LUZP2: variants seen among roughly 807,000 people sequenced by gnomAD.
LUZP2 encodes leucine zipper protein 2.
A neutral mutation model predicts 51.6 loss-of-function variants in LUZP2; 52 were observed. The ratio of observed to expected loss-of-function variants is 1.01; its 90% CI spans 0.81 to 1.27. The LOEUF is 1.27. Ranked by LOEUF, LUZP2 falls within the 50% of genes most tolerant of loss-of-function variation. LUZP2 has a pLI of 0.00. For synonymous variants in LUZP2, 154 were observed against 137.3 expected, an observed-to-expected ratio of 1.12 and a Z score of -0.85; for missense variants, 436 against 395.4, an observed-to-expected ratio of 1.10 and a Z score of -0.87.
chr11:24,538,373 A>T (rs1851247542), intron 1 of LUZP2, among the ~76,000 whole-genome samples: 1 of 151,772 alleles, frequency 6.6e-6, no homozygotes, highest in African/African-American at 2.4e-5. Context: ...AAAACATGGA[A>T]ATAAATCTTC....
intron 9 of LUZP2, among the ~76,000 whole-genome samples, chr11:24,993,973 G>C (rs951740159): frequency 2.0e-5 from 3 of 152,108 alleles, no homozygotes; most frequent in Non-Finnish European, 4.4e-5. Context: ...TGATTCTCCT[G>C]CCTCAGCCTC....
At chr11:24,735,804 A>G (rs896936978) in intron 3 of LUZP2, among the ~76,000 whole-genome samples, 9 of 151,998 alleles carry the variant, frequency 5.9e-5, no homozygotes, top group African/African-American at 2.2e-4. Flanking sequence ...GTTTCAGTTT[A>G]GTACCAAACA....
At chr11:25,036,981 G>A (rs552003565) in intron 9 of LUZP2, among the ~76,000 whole-genome samples, 56 of 151,044 alleles carry the variant, frequency 3.7e-4, no homozygotes, top group African/African-American at 1.3e-3. Context: ...AATTAGACAA[G>A]CGTCAAGTTT....
intron 1 of LUZP2, among the ~76,000 whole-genome samples, chr11:24,621,929 C>T (rs1854508906): frequency 6.6e-6 from 1 of 150,974 alleles, no homozygotes; most frequent in South Asian, 2.1e-4. Flanking sequence ...TTCTTGTGAA[C>T]ACTGCAAAAC....
At chr11:24,958,197 G>C (rs1229218746) in intron 7 of LUZP2, among the ~76,000 whole-genome samples, 3 of 152,124 alleles carry the variant, frequency 2.0e-5, no homozygotes, top group Non-Finnish European at 4.4e-5. Context: ...ATTGTGAATA[G>C]TGCCACAATA....
rs369679337 is a variant in LUZP2 at position 24,894,260 on chromosome 11, C to T, written c.397-11731C>T. Among the ~76,000 whole-genome samples the T allele has an allele frequency of 4.1e-4, 62 of 151,200 alleles. No individual in the cohort carries two copies. In the East Asian group the frequency reaches 0.01, roughly 25 times the overall value. On this transcript the variant is annotated intron_variant, in intron 5 of 11. Coordinates refer to ENST00000336930, the MANE Select transcript of LUZP2 (RefSeq NM_001009909.4). The stretch of plus-strand genomic sequence containing the variant: ...CATGGTCTTGACTCACTACAACCTC[C>T]GCCTCCCGGGTTCAAGCAATTCTCC...
chr11:24,995,210 C>T (rs928575004), intron 9 of LUZP2, among the ~76,000 whole-genome samples: 5 of 151,978 alleles, frequency 3.3e-5, no homozygotes, highest in Non-Finnish European at 5.9e-5. Flanking sequence ...CTGGGCAACA[C>T]GGCTCAATCC....
chr11:25,014,805 T>G (rs1474210520), intron 9 of LUZP2, among the ~76,000 whole-genome samples: 16 of 152,186 alleles, frequency 1.1e-4, no homozygotes. Context: ...TTTTGGTGTT[T>G]TAGACATGAA....
chr11:25,033,657 T>C (rs912966270), intron 9 of LUZP2, among the ~76,000 whole-genome samples: 2 of 152,176 alleles, frequency 1.3e-5, no homozygotes, highest in African/African-American at 4.8e-5. Flanking sequence ...CTCCTACTTA[T>C]AAGTGAAAAC....
At chr11:24,750,425 A>T (rs1004808609) in intron 4 of LUZP2, among the ~76,000 whole-genome samples, 19 of 152,182 alleles carry the variant, frequency 1.2e-4, no homozygotes, top group African/African-American at 3.1e-4. Flanking sequence ...CAATTTTTAA[A>T]ATCTGTTGTA....
intron 1 of LUZP2, among the ~76,000 whole-genome samples, chr11:24,707,945 G>A (rs1035695980): frequency 2.6e-5 from 4 of 152,104 alleles, no homozygotes; most frequent in African/African-American, 4.8e-5. Flanking sequence ...CTGCTGCAGT[G>A]TCATTCCCCC....
chr11:24,936,647 C>G (rs896325083), intron 7 of LUZP2, among the ~76,000 whole-genome samples: 2 of 151,916 alleles, frequency 1.3e-5, no homozygotes, highest in African/African-American at 2.4e-5. Flanking sequence ...CCAGCCCTCT[C>G]TCTGTCTATA....
intron 5 of LUZP2, among the ~76,000 whole-genome samples, chr11:24,781,917 G>A: frequency 6.6e-6 from 1 of 152,002 alleles, no homozygotes; most frequent in Non-Finnish European, 1.5e-5. Context: ...GAAGGATGGG[G>A]CCTGAGAGTC....
chr11:24,755,018 G>GAGA (rs1416280282), intron 4 of LUZP2, among the ~76,000 whole-genome samples: 7 of 151,950 alleles, frequency 4.6e-5, no homozygotes, highest in Non-Finnish European at 1.5e-5. Flanking sequence ...TAGTGGCGGG[G>GAGA]CTTGTAATCC....
At chr11:24,813,101 A>G (rs1850068733) in intron 5 of LUZP2, among the ~76,000 whole-genome samples, 1 of 152,144 alleles carries the variant, frequency 6.6e-6, no homozygotes, top group South Asian at 2.1e-4. Flanking sequence ...CCAGATTGAT[A>G]CTGTTTTATT....
intron 9 of LUZP2, among the ~76,000 whole-genome samples, chr11:25,014,334 C>T (rs1347646670): frequency 6.6e-6 from 1 of 152,176 alleles, no homozygotes; most frequent in East Asian, 1.9e-4. Flanking sequence ...CACTGTCTTC[C>T]ACAATGGCTG....
chr11:24,720,967 G>C (rs1188136126), intron 1 of LUZP2, among the ~76,000 whole-genome samples: 1 of 152,160 alleles, frequency 6.6e-6, no homozygotes, highest in Non-Finnish European at 1.5e-5. Context: ...GATTACAAGC[G>C]TGAGCCAGAC....
chr11:24,624,737 T>A (rs1276748840), intron 1 of LUZP2, among the ~76,000 whole-genome samples: 1 of 152,214 alleles, frequency 6.6e-6, no homozygotes, highest in Non-Finnish European at 1.5e-5. Context: ...TGTGTAGTCA[T>A]GGATGGCTAA....
chr11:24,883,545 C>T (rs1198576469), intron 5 of LUZP2, among the ~76,000 whole-genome samples: 3 of 151,918 alleles, frequency 2.0e-5, no homozygotes, highest in African/African-American at 7.2e-5. Flanking sequence ...TATTGTTTGG[C>T]TTGAACTGCA....
Sources: allele counts gnomAD v4.1 joint callset (sites outside exome capture counted in the v4.1 genomes callset), GRCh38; gene constraint gnomAD v4.1.1; transcripts MANE v1.5; gene names NCBI Gene and HGNC (gene_info 2026-07-23, HGNC 2026-07-21).